Variants in DLGAP1 observed in about 807,000 individuals in gnomAD.
DLGAP1 encodes disks large-associated protein 1.
A neutral mutation model predicts 90.8 loss-of-function variants in DLGAP1; 11 were observed. The ratio of observed to expected loss-of-function variants is 0.12; its 90% CI spans 0.08 to 0.20. The LOEUF is 0.20. DLGAP1 is among the 10% of genes least tolerant of loss of function. The probability of loss-of-function intolerance (pLI) is 1.00; values close to 1 mark genes in which losing one functional copy is unlikely to be tolerated. For synonymous variants in DLGAP1, 558 were observed against 540.7 expected (o/e 1.03, Z -0.44); for missense variants, 1,050 against 1,333.8 (o/e 0.79, Z 3.31).
At chr18:4,137,084 T>G (rs1000600241) in intron 2 of DLGAP1, among the ~76,000 whole-genome samples, 4 of 152,084 alleles carry the variant, frequency 2.6e-5, no homozygotes, top group Non-Finnish European at 4.4e-5. Flanking sequence ...CAGTGTGTGA[T>G]GTTCCCCTTC....
chr18:3,736,066 A>G (rs2062624623), intron 6 of DLGAP1, among the ~76,000 whole-genome samples: 1 of 152,178 alleles, frequency 6.6e-6, no homozygotes, highest in South Asian at 2.1e-4. Context: ...ACAGCTGCCT[A>G]GTTACATTAA....
intron 7 of DLGAP1, among the ~76,000 whole-genome samples, chr18:3,592,837 C>T (rs1469698385): frequency 2.4e-5 from 2 of 81,990 alleles, no homozygotes; most frequent in African/African-American, 1.0e-4. Flanking sequence ...GAGCAAGACC[C>T]TGCCTCAAAA....
intron 1 of DLGAP1, among the ~76,000 whole-genome samples, chr18:4,297,299 C>T (rs899785615): frequency 1.3e-5 from 2 of 151,958 alleles, no homozygotes; most frequent in African/African-American, 2.4e-5. Context: ...CCCACCACAC[C>T]GAGCCATGAC....
chr18:4,054,157 CCTGATCTTTTAGGTCTGAATATGTATTCT>C (rs1049228372), intron 2 of DLGAP1, among the ~76,000 whole-genome samples: 2 of 152,100 alleles, frequency 1.3e-5, no homozygotes, highest in African/African-American at 4.8e-5. Context: ...TCACTCGCTC[CCTGATCTTTTAGGTCTGAATATGTATTCT>C]CTGAAGCTTT....
chr18:4,224,491 G>A (rs190781632), intron 1 of DLGAP1, among the ~76,000 whole-genome samples: 1 of 152,246 alleles, frequency 6.6e-6, no homozygotes, highest in Admixed American at 6.5e-5. Flanking sequence ...TGAGTTTCAG[G>A]CCTGACCACA....
intron 1 of DLGAP1, among the ~76,000 whole-genome samples, chr18:4,283,191 G>A (rs1411275426): frequency 2.0e-5 from 3 of 152,188 alleles, no homozygotes; most frequent in African/African-American, 4.8e-5. Flanking sequence ...TATGCAAATC[G>A]GACCCTATCT....
chr18:4,276,941 C>T (rs761443763), intron 1 of DLGAP1, among the ~76,000 whole-genome samples: 10 of 152,166 alleles, frequency 6.6e-5, no homozygotes, highest in Non-Finnish European at 1.2e-4. Context: ...AATATGCATA[C>T]ATATTGGTTC....
intron 5 of DLGAP1, among the ~76,000 whole-genome samples, chr18:3,772,134 CTT>C (rs750835872): frequency 6.7e-6 from 1 of 149,320 alleles, no homozygotes; most frequent in South Asian, 2.1e-4. Flanking sequence ...CTTTTCTTTT[CTT>C]TCTCTCCTTC....
chr18:4,283,757 C>T (rs1210436782), intron 1 of DLGAP1, among the ~76,000 whole-genome samples: 1 of 152,116 alleles, frequency 6.6e-6, no homozygotes, highest in Non-Finnish European at 1.5e-5. Context: ...TATCCATGTA[C>T]TTGCACAAAA....
intron 4 of DLGAP1, among the ~76,000 whole-genome samples, chr18:3,829,513 GGGACTGT>G (rs1319516582): frequency 5.9e-5 from 9 of 152,088 alleles, no homozygotes; most frequent in Non-Finnish European, 8.8e-5. Flanking sequence ...CTGTGTATAG[GGGACTGT>G]GGATCAGTCA....
chr18:3,802,713 C>CA (rs5822769), intron 5 of DLGAP1, among the ~76,000 whole-genome samples: 19,610 of 152,140 alleles, frequency 0.13, 2,498 homozygotes, highest in African/African-American at 0.33. Flanking sequence ...CTCTTGGCGG[C>CA]ACTGAATCGT....
At chr18:4,407,814 G>C (rs2082694153) in intron 1 of DLGAP1, among the ~76,000 whole-genome samples, 1 of 151,840 alleles carries the variant, frequency 6.6e-6, no homozygotes, top group Non-Finnish European at 1.5e-5. Flanking sequence ...ATCCAAAAGG[G>C]GGAGGTTGCA....
intron 2 of DLGAP1, among the ~76,000 whole-genome samples, chr18:4,081,149 A>G (rs2075601759): frequency 6.6e-6 from 1 of 151,892 alleles, no homozygotes. Context: ...CAGCCTCCCA[A>G]AGTGTTGGGA....
At position 3,926,123 on chromosome 18, in the gene DLGAP1, A is replaced by T. The variant is rs374232447; in HGVS notation, c.-72-45983T>A. ...CAGAGAAGGACATGCTGGAGTGAAC[A>T]GTGTGGTGTCAGATTGAAATTAGAG... On this transcript the variant is annotated intron_variant, in intron 3 of 12. Coordinates refer to ENST00000315677, the MANE Select transcript of DLGAP1 (RefSeq NM_004746.4). Among the ~76,000 whole-genome samples the T allele has an allele frequency of 1.4e-4, 21 of 152,318 alleles. No individual in the cohort carries two copies. In the East Asian group the frequency reaches 1.7e-3, roughly 13 times the overall value.
intron 2 of DLGAP1, among the ~76,000 whole-genome samples, chr18:4,118,833 C>T (rs1020813183): frequency 1.3e-5 from 2 of 152,028 alleles, no homozygotes; most frequent in Non-Finnish European, 2.9e-5. Flanking sequence ...TGAATATTAC[C>T]CTATTTACTT....
chr18:3,529,548 G>T (rs1414749651), intron 10 of DLGAP1, among the ~76,000 whole-genome samples: 6 of 152,164 alleles, frequency 3.9e-5, no homozygotes, highest in African/African-American at 1.4e-4. Context: ...ATATTTCAAG[G>T]ACTCAAATAC....
At chr18:3,661,484 T>A (rs2059677985) in intron 7 of DLGAP1, among the ~76,000 whole-genome samples, 1 of 152,028 alleles carries the variant, frequency 6.6e-6, no homozygotes, top group Admixed American at 6.6e-5. Context: ...CCTGAGACGG[T>A]CCTGATGGAA....
At chr18:4,143,993 C>T (rs2076538369) in intron 2 of DLGAP1, among the ~76,000 whole-genome samples, 1 of 152,116 alleles carries the variant, frequency 6.6e-6, no homozygotes, top group Admixed American at 6.5e-5. Flanking sequence ...AAGACAAAGT[C>T]CTCTTTACTC....
At position 4,361,843 on chromosome 18, in the gene DLGAP1, G is replaced by A. The variant is rs538352441; in HGVS notation, c.-267+93163C>T. Among the ~76,000 whole-genome samples, 7 of 152,198 alleles carry A rather than the reference G, an allele frequency of 4.6e-5. No homozygotes were observed. The East Asian group carries it at 1.3e-3, about 29-fold the overall frequency. On this transcript the variant is annotated intron_variant, in intron 1 of 12. Coordinates refer to ENST00000315677, the MANE Select transcript of DLGAP1 (RefSeq NM_004746.4). ...TTTACAAATCATATATTTGATAAGG[G>A]ATTAATATCCAAAATGAATAGAGAA...
Sources: gnomAD v4.1 joint callset for allele counts (sites outside exome capture counted in the v4.1 genomes callset) on GRCh38, gnomAD v4.1.1 for gene constraint, MANE v1.5 for transcripts, NCBI Gene and HGNC (gene_info 2026-07-23, HGNC 2026-07-21) for gene names.